The following OR14A2 variants were observed in gnomAD, a reference collection of about 807,000 sequenced individuals.
The protein encoded by OR14A2 is olfactory receptor family 14 subfamily A member 2.
For missense variants in OR14A2, 237 were observed against 152.9 expected (o/e 1.55, Z -2.90); for synonymous variants, 114 against 58.6 (o/e 1.95, Z -4.32).
the OR14A2 span, among the ~76,000 whole-genome samples, chr1:247,736,376 G>T: frequency 6.6e-6 from 1 of 152,046 alleles, no homozygotes; most frequent in Non-Finnish European, 1.5e-5. Context: ...CCCAGTTTTA[G>T]ATTGATTGAG....
the OR14A2 span, among the ~76,000 whole-genome samples, chr1:247,739,904 T>C: frequency 1.3e-5 from 2 of 152,076 alleles, no homozygotes; most frequent in African/African-American, 4.8e-5. Flanking sequence ...AGAGACGGAG[T>C]TCCACCATGT....
chr1:247,734,531 A>G, the OR14A2 span, among the ~76,000 whole-genome samples: 1 of 152,208 alleles, frequency 6.6e-6, no homozygotes, highest in Non-Finnish European at 1.5e-5. Flanking sequence ...AAATAACAAA[A>G]TGTTTCTGAG....
chr1:247,736,029 A>G, the OR14A2 span, among the ~76,000 whole-genome samples: 1 of 151,278 alleles, frequency 6.6e-6, no homozygotes, highest in Non-Finnish European at 1.5e-5. Flanking sequence ...TATTGATCTT[A>G]CTCGAGAATG....
the OR14A2 span, among the ~76,000 whole-genome samples, chr1:247,733,114 A>G: frequency 9.8e-4 from 149 of 152,292 alleles, no homozygotes; most frequent in Non-Finnish European, 1.7e-3. Flanking sequence ...TCCTGAGAGC[A>G]TTCGGAAATT....
the OR14A2 span, among the ~76,000 whole-genome samples, chr1:247,745,726 T>G: frequency 1.3e-5 from 2 of 152,140 alleles, no homozygotes; most frequent in East Asian, 3.9e-4. Flanking sequence ...ACAAAAAAAT[T>G]AAAACAAATG....
At chr1:247,733,633 C>CTT in the OR14A2 span, among the ~76,000 whole-genome samples, 1 of 152,050 alleles carries the variant, frequency 6.6e-6, no homozygotes, top group Non-Finnish European at 1.5e-5. Context: ...TTGCAATACT[C>CTT]TTTTTGAATA....
chr1:247,726,539 A>G (rs1406369010), upstream of OR14A2, among the ~76,000 whole-genome samples: 1 of 91,024 alleles, frequency 1.1e-5, no homozygotes, highest in Non-Finnish European at 2.0e-5. Context: ...TAGTTTAATT[A>G]GATCCCATTT....
At chr1:247,730,786 C>T in the OR14A2 span, among the ~76,000 whole-genome samples, 1 of 152,014 alleles carries the variant, frequency 6.6e-6, no homozygotes, top group Non-Finnish European at 1.5e-5. Context: ...GAGAAGGTTG[C>T]TATCCCAGCC....
the OR14A2 span, among the ~76,000 whole-genome samples, chr1:247,741,071 T>C: frequency 7.9e-5 from 12 of 152,336 alleles, no homozygotes; most frequent in African/African-American, 2.2e-4. Flanking sequence ...TATTAAAATC[T>C]AGCTTAGATT....
the OR14A2 span, among the ~76,000 whole-genome samples, chr1:247,740,974 ACT>A: frequency 6.6e-6 from 1 of 152,034 alleles, no homozygotes; most frequent in Non-Finnish European, 1.5e-5. Flanking sequence ...TACCTTTCAA[ACT>A]CTGTATGCTC....
upstream of OR14A2, among the ~76,000 whole-genome samples, chr1:247,728,415 G>T (rs1241896908): frequency 2.0e-5 from 3 of 151,850 alleles, no homozygotes; most frequent in Non-Finnish European, 4.4e-5. Context: ...GTATTGATGG[G>T]ACGTATTTCA....
the OR14A2 span, chr1:247,746,189 T>C: frequency 0.16 from 24,774 of 152,142 alleles, 3,782 homozygotes; most frequent in African/African-American, 0.41. Context: ...TAACTATTCA[T>C]CTTTTGTCTT....
chr1:247,731,667 G>T, the OR14A2 span, among the ~76,000 whole-genome samples: 1 of 151,686 alleles, frequency 6.6e-6, no homozygotes, highest in African/African-American at 2.4e-5. Context: ...TTCAGAAATA[G>T]AAATTTTCAA....
At chr1:247,723,135 C>A (rs1660239036) in exon 1 of OR14A2, 1 of 717,094 alleles carries the variant, frequency 1.4e-6, no homozygotes, top group Non-Finnish European at 2.6e-6. Context: ...ATGTTTTCTG[C>A]AGCAACCTTA....
the OR14A2 span, among the ~76,000 whole-genome samples, chr1:247,729,089 C>T: frequency 2.6e-5 from 4 of 152,162 alleles, no homozygotes; most frequent in East Asian, 3.9e-4. Flanking sequence ...AATTTGTAAA[C>T]GTCTATAGTC....
upstream of OR14A2, among the ~76,000 whole-genome samples, chr1:247,725,424 G>C (rs1327529019): frequency 1.3e-5 from 2 of 151,836 alleles, no homozygotes; most frequent in Admixed American, 6.6e-5. Flanking sequence ...AGGACAAAAG[G>C]GAGGAGGAAG....
At chr1:247,727,102 G>T (rs1433051585), upstream of OR14A2, among the ~76,000 whole-genome samples, 4 of 150,724 alleles carry the variant, frequency 2.7e-5, no homozygotes, top group Non-Finnish European at 4.4e-5. Flanking sequence ...GGATGGCATT[G>T]AATCCGTAAA....
chr1:247,723,783 G>A (rs963541763), exon 1 of OR14A2: 3 of 718,244 alleles, frequency 4.2e-6, no homozygotes, highest in Non-Finnish European at 7.8e-6. Flanking sequence ...AAATGGAATT[G>A]TTGTGGGTTA....
chr1:247,727,728 T>C (rs1226195498), upstream of OR14A2, among the ~76,000 whole-genome samples: 2 of 147,978 alleles, frequency 1.4e-5, no homozygotes, highest in South Asian at 2.1e-4. Context: ...CAATAAAAAA[T>C]GATAAAGGGG....
Sources: gnomAD v4.1 joint callset for allele counts (sites outside exome capture counted in the v4.1 genomes callset) on GRCh38, gnomAD v4.1.1 for gene constraint, MANE v1.5 for transcripts, NCBI Gene and HGNC (gene_info 2026-07-23, HGNC 2026-07-21) for gene names.